Variants in UST observed in about 807,000 individuals in gnomAD.
The protein encoded by UST is chondroitin sulfate 2-O-sulfotransferase.
A neutral mutation model predicts 45.6 loss-of-function variants in UST; 21 were observed. The ratio of observed to expected loss-of-function variants is 0.46; its 90% confidence interval spans 0.33 to 0.66. The LOEUF (loss-of-function observed/expected upper bound fraction) is 0.66. Ranked by LOEUF, UST falls within the 30% of genes least tolerant of loss-of-function variation. The probability of loss-of-function intolerance (pLI) is 0.02; values close to 1 mark genes in which losing one functional copy is unlikely to be tolerated. For synonymous variants in UST, 215 were observed against 200.6 expected, an observed-to-expected ratio of 1.07 and a Z score of -0.61; for missense variants, 463 against 512.4, an observed-to-expected ratio of 0.90 and a Z score of 0.93.
intron 2 of UST, among the ~76,000 whole-genome samples, chr6:148,911,215 G>A (rs57521267): frequency 6.6e-6 from 1 of 152,148 alleles, no homozygotes; most frequent in Non-Finnish European, 1.5e-5. Context: ...AGGTCACTCA[G>A]TCATCACCAC....
At chr6:148,872,080 G>A (rs1436180013) in intron 1 of UST, among the ~76,000 whole-genome samples, 3 of 152,170 alleles carry the variant, frequency 2.0e-5, no homozygotes, top group Admixed American at 2.0e-4. Flanking sequence ...CATGTCGCGG[G>A]TGAAATGTAC....
At chr6:149,022,605 A>AAAAG (rs1014891131) in intron 7 of UST, among the ~76,000 whole-genome samples, 1 of 152,136 alleles carries the variant, frequency 6.6e-6, no homozygotes, top group Non-Finnish European at 1.5e-5. Context: ...CATCTCAAAA[A>AAAAG]AAAGAAAGAA....
Position 148,747,689 on chromosome 6 carries a change from G to GGGTAA in UST, c.247+14_247+15insTAAGG, listed in dbSNP as rs758137544. On this transcript the variant is annotated intron_variant, in intron 1 of 7. Coordinates refer to ENST00000367463, the MANE Select transcript of UST (RefSeq NM_005715.3). Reference sequence around the variant, plus strand: ...GCGGCAGTACTTGGGTAAGGAAGCTGGGCAGGCGCTAGGGCGGCGCCGACA... The same window carrying GGGTAA: ...GCGGCAGTACTTGGGTAAGGAAGCTGGGTAAGGCAGGCGCTAGGGCGGCGCCGACA... The GGGTAA allele has an allele frequency of 6.3e-7, 1 of 1,585,228 alleles. No individual in the cohort carries two copies. The highest frequency in any genetic ancestry group is 1.8e-5 in the Admixed American group (1 of 56,770).
At chr6:148,878,278 ACGGGGGATCATGTATGAGTGG>A (rs1778743514) in intron 1 of UST, among the ~76,000 whole-genome samples, 3 of 25,398 alleles carry the variant, frequency 1.2e-4, no homozygotes, top group African/African-American at 1.8e-4. Flanking sequence ...GTGTATGAGT[ACGGGGGATCATGTATGAGTGG>A]GGGGGGTCAT....
At chr6:148,946,554 G>A (rs1780242622) in intron 3 of UST, among the ~76,000 whole-genome samples, 2 of 133,614 alleles carry the variant, frequency 1.5e-5, no homozygotes, top group African/African-American at 5.7e-5. Context: ...GCTCATACCT[G>A]TAATCTCAGC....
intron 1 of UST, among the ~76,000 whole-genome samples, chr6:148,791,588 G>A (rs1243989127): frequency 6.6e-6 from 1 of 152,126 alleles, no homozygotes; most frequent in African/African-American, 2.4e-5. Flanking sequence ...GCTGGCAACA[G>A]TACTGATCAC....
chr6:148,811,848 C>G (rs554703411), intron 1 of UST, among the ~76,000 whole-genome samples: 2 of 152,064 alleles, frequency 1.3e-5, no homozygotes, highest in African/African-American at 2.4e-5. Context: ...TTAGTAAGCC[C>G]GAATTCAAAG....
At chr6:148,751,463 C>G (rs943509424) in intron 1 of UST, among the ~76,000 whole-genome samples, 7 of 152,140 alleles carry the variant, frequency 4.6e-5, no homozygotes, top group South Asian at 2.1e-4. Flanking sequence ...ATGATGCTTT[C>G]TCTTCCCCAT....
intron 1 of UST, among the ~76,000 whole-genome samples, chr6:148,772,702 G>A (rs891659491): frequency 6.6e-6 from 1 of 152,130 alleles, no homozygotes; most frequent in African/African-American, 2.4e-5. Flanking sequence ...GGGATTACAG[G>A]TTGAGCCACC....
chr6:148,749,717 CA>C (rs1384605036), intron 1 of UST, among the ~76,000 whole-genome samples: 2 of 152,172 alleles, frequency 1.3e-5, no homozygotes, highest in Non-Finnish European at 2.9e-5. Context: ...TATTTCCAAA[CA>C]ATGAGGCCTA....
At chr6:148,853,788 T>A (rs1208275330) in intron 1 of UST, among the ~76,000 whole-genome samples, 1 of 152,210 alleles carries the variant, frequency 6.6e-6, no homozygotes, top group African/African-American at 2.4e-5. Flanking sequence ...TTCATGTCCT[T>A]TGTCCACTTT....
intron 1 of UST, among the ~76,000 whole-genome samples, chr6:148,797,784 C>A (rs907948377): frequency 6.6e-6 from 1 of 152,074 alleles, no homozygotes; most frequent in African/African-American, 2.4e-5. Context: ...ACAAGAAGAA[C>A]AATATGTGAG....
chr6:148,788,012 C>A (rs923752388), intron 1 of UST, among the ~76,000 whole-genome samples: 1 of 151,994 alleles, frequency 6.6e-6, no homozygotes, highest in Non-Finnish European at 1.5e-5. Context: ...AAAGATGTAC[C>A]CGAGACTGGG....
At chr6:148,879,941 CT>C (rs767195786) in intron 1 of UST, among the ~76,000 whole-genome samples, 13 of 109,902 alleles carry the variant, frequency 1.2e-4, no homozygotes, top group East Asian at 8.2e-4. Flanking sequence ...TTTCTTTTTT[CT>C]TTTTTTTTTC....
intron 2 of UST, among the ~76,000 whole-genome samples, chr6:148,887,430 G>A (rs895726792): frequency 6.6e-6 from 1 of 152,228 alleles, no homozygotes; most frequent in East Asian, 1.9e-4. Context: ...CAGCCTAACT[G>A]GGTTGGGATA....
intron 5 of UST, chr6:148,992,848 T>A (rs553075404): frequency 3.8e-6 from 1 of 261,614 alleles, no homozygotes; most frequent in East Asian, 1.8e-4. Context: ...AATCTTAACC[T>A]CTTTTGTGTC....
chr6:148,756,087 A>G (rs949514952), intron 1 of UST, among the ~76,000 whole-genome samples: 2 of 138,424 alleles, frequency 1.4e-5, no homozygotes, highest in African/African-American at 5.4e-5. Flanking sequence ...ATTCCCACCT[A>G]TGAGTGAGAA....
chr6:149,049,258 T>TG (rs1362560045), intron 7 of UST, among the ~76,000 whole-genome samples: 1 of 152,088 alleles, frequency 6.6e-6, no homozygotes, highest in African/African-American at 2.4e-5. Flanking sequence ...AAAAGACAAC[T>TG]GTAAAAATAG....
At chr6:148,932,021 T>G (rs2114911464) in intron 2 of UST, among the ~76,000 whole-genome samples, 1 of 152,352 alleles carries the variant, frequency 6.6e-6, no homozygotes, top group South Asian at 2.1e-4. Flanking sequence ...CATTTCTCTT[T>G]CTGTCAAACA....
Sources: allele counts gnomAD v4.1 joint callset (sites outside exome capture counted in the v4.1 genomes callset), GRCh38; gene constraint gnomAD v4.1.1; transcripts MANE v1.5; gene names NCBI Gene and HGNC (gene_info 2026-07-23, HGNC 2026-07-21).